The following ADGRL3 variants were observed in gnomAD, a reference collection of about 807,000 sequenced individuals.
ADGRL3 encodes adhesion G protein-coupled receptor L3.
In ADGRL3, 62 loss-of-function variants were observed where a neutral mutation model predicts 153.5. The ratio of observed to expected loss-of-function variants is 0.40; its 90% CI spans 0.33 to 0.50. The LOEUF is 0.50. Among genes scored for constraint, ADGRL3 ranks in the 20% least tolerant of loss-of-function variants. The pLI is 0.47. For missense variants in ADGRL3, 1,641 were observed against 1,859.4 expected (o/e 0.88, Z 2.16); for synonymous variants, 710 against 672.5 (o/e 1.06, Z -0.86).
At chr4:62,017,553 T>C (rs898405935) in intron 21 of ADGRL3, among the ~76,000 whole-genome samples, 2 of 152,096 alleles carry the variant, frequency 1.3e-5, no homozygotes, top group Non-Finnish European at 2.9e-5. Flanking sequence ...CATTACATTT[T>C]GTTATTTAAT....
intron 17 of ADGRL3, among the ~76,000 whole-genome samples, chr4:61,967,544 G>T (rs535210613): frequency 2.6e-5 from 4 of 152,174 alleles, no homozygotes; most frequent in Middle Eastern, 3.2e-3. Context: ...ATTTTACTGT[G>T]TAGCTTTACT....
At chr4:61,268,051 G>A (rs752460262) in intron 1 of ADGRL3, among the ~76,000 whole-genome samples, 3 of 151,566 alleles carry the variant, frequency 2.0e-5, no homozygotes, top group Non-Finnish European at 3.0e-5. Context: ...ATTGGCCAAC[G>A]TGCCATTTTT....
intron 9 of ADGRL3, among the ~76,000 whole-genome samples, chr4:61,878,588 C>T (rs969363881): frequency 1.3e-5 from 2 of 152,194 alleles, no homozygotes; most frequent in Non-Finnish European, 2.9e-5. Context: ...GGGTGATCTC[C>T]TCTGGGTACA....
intron 2 of ADGRL3, among the ~76,000 whole-genome samples, chr4:61,424,156 C>G (rs1046698165): frequency 1.3e-5 from 2 of 152,044 alleles, no homozygotes; most frequent in African/African-American, 4.8e-5. Context: ...GTCAGTGATA[C>G]ATTTATGCAC....
chr4:61,700,078 G>A (rs1231319028), intron 6 of ADGRL3, among the ~76,000 whole-genome samples: 10 of 152,022 alleles, frequency 6.6e-5, no homozygotes, highest in Non-Finnish European at 1.0e-4. Flanking sequence ...AGTAAGGAGG[G>A]ACGAAGAGGT....
At position 61,230,875 on chromosome 4, in the gene ADGRL3, G is replaced by T. The variant is rs935441193; in HGVS notation, c.-240+29110G>T. 3.3e-5 allele frequency among the ~76,000 whole-genome samples: 5 copies of T among 152,244 alleles called. No homozygotes were observed. In the East Asian group the frequency reaches 7.7e-4, roughly 24 times the overall value. ...TCATTCTCCAAAATTTAAATCTCAG[G>T]AGAGTACAGCCTCCTGGGGAAAAGT... On this transcript the variant is annotated intron_variant, in intron 1 of 26. Transcript: ENST00000683033.
At chr4:61,992,930 T>C (rs1333190875) in intron 19 of ADGRL3, among the ~76,000 whole-genome samples, 1 of 152,140 alleles carries the variant, frequency 6.6e-6, no homozygotes, top group East Asian at 1.9e-4. Flanking sequence ...AAGACAACTG[T>C]TAATAATATA....
chr4:61,876,800 A>G lies in ADGRL3; in HGVS notation c.1481-15856A>G, dbSNP rs954041784. 6.6e-5 allele frequency among the ~76,000 whole-genome samples: 10 copies of G among 151,788 alleles called. No homozygotes were observed. In the East Asian group the frequency reaches 1.2e-3, roughly 18 times the overall value. On this transcript the variant is annotated intron_variant, in intron 9 of 26. Transcript: ENST00000683033. ...TAATCCACCCCTTGTTTAGCATATC[A>G]TCAAGAAATAACCATAAAAATGGAC... is the stretch of plus-strand genomic sequence containing the variant.
intron 6 of ADGRL3, among the ~76,000 whole-genome samples, chr4:61,685,954 T>G (rs1450789092): frequency 6.6e-6 from 1 of 152,036 alleles, no homozygotes; most frequent in Non-Finnish European, 1.5e-5. Flanking sequence ...AATATGTAAA[T>G]GTACACTTAG....
At chr4:61,833,612 A>G (rs925164133) in intron 9 of ADGRL3, among the ~76,000 whole-genome samples, 5 of 152,180 alleles carry the variant, frequency 3.3e-5, no homozygotes, top group Admixed American at 6.5e-5. Context: ...CAGCTGATCC[A>G]TCAAGTGCAG....
intron 5 of ADGRL3, 52 bp downstream of exon 5, chr4:61,587,492 T>A: frequency 8.0e-7 from 1 of 1,242,608 alleles, no homozygotes; most frequent in South Asian, 1.4e-5. Context: ...ACCTTCAACA[T>A]CAATCTGTGT....
intron 2 of ADGRL3, chr4:61,425,512 A>G (rs988111009): frequency 2.0e-5 from 3 of 152,298 alleles, no homozygotes; most frequent in African/African-American, 4.8e-5. Flanking sequence ...ATGTCAATCT[A>G]TGGTCGAAAC....
intron 25 of ADGRL3, among the ~76,000 whole-genome samples, chr4:62,056,458 A>T (rs948944989): frequency 6.6e-6 from 1 of 152,048 alleles, no homozygotes; most frequent in Non-Finnish European, 1.5e-5. Context: ...GAATGTGCAC[A>T]ATTTAGTGTA....
chr4:61,393,055 T>A (rs1253886627), intron 2 of ADGRL3, among the ~76,000 whole-genome samples: 1 of 152,148 alleles, frequency 6.6e-6, no homozygotes. Context: ...ATTCTAACCC[T>A]GGTTTTGCCA....
chr4:61,439,125 A>G (rs2606719), intron 2 of ADGRL3, among the ~76,000 whole-genome samples: 116,011 of 152,102 alleles, frequency 0.76, 44,645 homozygotes, highest in East Asian at 0.86. Context: ...TGAAAACATC[A>G]TCATGTTATA....
Position 61,915,262 on chromosome 4 carries a change from A to G in ADGRL3, c.2112+2505A>G, listed in dbSNP as rs539423014. Among the ~76,000 whole-genome samples the G allele has an allele frequency of 2.0e-5, 3 of 148,406 alleles. No individual in the cohort carries two copies. The South Asian group carries it at 6.3e-4, about 31-fold the overall frequency. ...TAGGTGTGTTTATATACATATACAT[A>G]TATATCTGTATATATAAATATATAT... On this transcript the variant is annotated intron_variant, in intron 13 of 26. Coordinates refer to ENST00000683033, the MANE Select transcript of ADGRL3 (RefSeq NM_001387552.1).
chr4:61,410,110 C>T (rs1430359921), intron 2 of ADGRL3, among the ~76,000 whole-genome samples: 1 of 151,362 alleles, frequency 6.6e-6, no homozygotes, highest in East Asian at 1.9e-4. Flanking sequence ...GTTTTTTTTT[C>T]TAGTAATTCA....
intron 9 of ADGRL3, among the ~76,000 whole-genome samples, chr4:61,843,122 G>A (rs998645191): frequency 3.9e-5 from 6 of 152,124 alleles, no homozygotes; most frequent in Admixed American, 3.3e-4. Flanking sequence ...AGGTATGATA[G>A]AAGAAAGACA....
chr4:61,508,238 T>C (rs898892466), intron 3 of ADGRL3, among the ~76,000 whole-genome samples: 22 of 152,198 alleles, frequency 1.4e-4, no homozygotes, highest in Admixed American at 1.1e-3. Flanking sequence ...GCAACGATTA[T>C]AATGAAAGTC....
Sources: gnomAD v4.1 joint callset for allele counts (sites outside exome capture counted in the v4.1 genomes callset) on GRCh38, gnomAD v4.1.1 for gene constraint, MANE v1.5 for transcripts, NCBI Gene and HGNC (gene_info 2026-07-23, HGNC 2026-07-21) for gene names.